ADSS2: variants seen among roughly 807,000 people sequenced by gnomAD.
The protein encoded by ADSS2 is adenylosuccinate synthase 2.
A neutral mutation model predicts 60.0 loss-of-function variants in ADSS2; 30 were observed. The ratio of observed to expected loss-of-function variants is 0.50; its 90% CI spans 0.37 to 0.68. ADSS2 has a LOEUF of 0.68. Ranked by LOEUF, ADSS2 falls within the 30% of genes least tolerant of loss-of-function variation. The probability of loss-of-function intolerance (pLI) is 0.00; values close to 1 mark genes in which losing one functional copy is unlikely to be tolerated. For synonymous variants in ADSS2, 187 were observed against 193.1 expected, an observed-to-expected ratio of 0.97 and a Z score of 0.26; for missense variants, 373 against 554.8, an observed-to-expected ratio of 0.67 and a Z score of 3.29.
chr1:244,425,560 A>C (rs1664784388), intron 4 of ADSS2, among the ~76,000 whole-genome samples: 1 of 152,164 alleles, frequency 6.6e-6, no homozygotes, highest in Non-Finnish European at 1.5e-5. Context: ...ACCCAATCTA[A>C]ACCCATCCTC....
Position 244,451,515 on chromosome 1 carries a change from C to T in ADSS2, c.183+120G>A. On this transcript the variant is annotated intron_variant, in intron 1 of 12. Coordinates refer to ENST00000366535, the MANE Select transcript of ADSS2 (RefSeq NM_001126.5). The surrounding 1 kb of genome is among the most constrained non-coding windows in gnomAD (Gnocchi z 6.6). ...AGCTCAGGACAGGAGGAGAGAGCCTCAAGGTGACACCTCATTTTGGCCAGT... is the reference window on the plus strand; with the variant it reads ...AGCTCAGGACAGGAGGAGAGAGCCTTAAGGTGACACCTCATTTTGGCCAGT... 8.8e-7 allele frequency: 1 copy of T among 1,132,146 alleles called. No individual in the cohort carries two copies. Among genetic ancestry groups the T allele is most frequent in the Non-Finnish European group, 1.2e-6 (1 of 815,230 alleles). 70.1% of individuals were successfully genotyped at this position (1,132,146 alleles called of 1,614,324 possible).
chr1:244,410,307 C>T (rs1052921058), intron 12 of ADSS2, among the ~76,000 whole-genome samples: 2 of 152,102 alleles, frequency 1.3e-5, no homozygotes, highest in African/African-American at 4.8e-5. Flanking sequence ...AGATTTTACA[C>T]GGAGGACACA....
Position 244,451,545 on chromosome 1 carries a change from C to T in ADSS2, c.183+90G>A. The T allele has an allele frequency of 7.1e-7, 1 of 1,399,004 alleles. No homozygotes were observed. The highest frequency in any genetic ancestry group is 1.4e-5 in the South Asian group (1 of 73,392). 86.7% of individuals were successfully genotyped at this position (1,399,004 alleles called of 1,614,324 possible). A position where few individuals can be genotyped will look rare whatever the true frequency, so the allele number is the denominator to read the frequency against. ...TGACACCTCATTTTGGCCAGTGGAT[C>T]CGGGTTCTGGGTCCGAGTTCCCGGG... On this transcript the variant is annotated intron_variant, in intron 1 of 12. Coordinates refer to ENST00000366535, the MANE Select transcript of ADSS2 (RefSeq NM_001126.5). The surrounding 1 kb of genome is among the most constrained non-coding windows in gnomAD (Gnocchi z 6.6).
At chr1:244,420,319 A>G in intron 7 of ADSS2, 23 bp from the exon 8 acceptor site, 1 of 1,585,142 alleles carries the variant, frequency 6.3e-7, no homozygotes, top group Non-Finnish European at 8.6e-7. Context: ...ACAAAAACCA[A>G]TTTCCATGTA....
intron 6 of ADSS2, 119 bp downstream of exon 6, chr1:244,423,834 T>C (rs1436244784): frequency 3.8e-5 from 26 of 690,298 alleles, no homozygotes; most frequent in Non-Finnish European, 5.2e-5. Flanking sequence ...ATTTCAAACC[T>C]AAAAAAGCCA....
chr1:244,411,451 G>A lies in ADSS2; in HGVS notation c.1169-15C>T, dbSNP rs762002536. The A allele has an allele frequency of 4.4e-6, 7 of 1,604,712 alleles. No homozygotes were observed. In the East Asian group the frequency reaches 1.1e-4, roughly 26 times the overall value. ...TTCTTGGTTTGCTAAAAGTTAAAGAGGACATTTATTCATGGCACACACTGT... is the reference window on the plus strand; with the variant it reads ...TTCTTGGTTTGCTAAAAGTTAAAGAAGACATTTATTCATGGCACACACTGT... On this transcript the variant is annotated splice_polypyrimidine_tract_variant and intron_variant, in intron 11 of 12. Coordinates refer to ENST00000366535, the MANE Select transcript of ADSS2 (RefSeq NM_001126.5).
intron 7 of ADSS2, 111 bp downstream of exon 7, chr1:244,422,720 GACAA>G: frequency 1.3e-6 from 1 of 744,004 alleles, no homozygotes; most frequent in South Asian, 1.8e-5. Flanking sequence ...CCATGTCCAA[GACAA>G]ACAATTTCCT....
chr1:244,409,449 A>G lies in ADSS2; in HGVS notation c.*137T>C. ...AATCTCCACAGTAGGCATCCATCTG[A>G]AAAGACTGGAAACAACTGTAGGGCT... On this transcript the variant is annotated 3_prime_UTR_variant, in exon 13 of 13. Transcript: ENST00000366535. The G allele has an allele frequency of 1.6e-6, 1 of 638,838 alleles. No individual in the cohort carries two copies. The highest frequency in any genetic ancestry group is 2.1e-5 in the South Asian group (1 of 48,082). 39.6% of individuals were successfully genotyped at this position (638,838 alleles called of 1,614,324 possible).
chr1:244,423,626 T>C (rs909919315), intron 6 of ADSS2, among the ~76,000 whole-genome samples: 11 of 152,150 alleles, frequency 7.2e-5, no homozygotes, highest in African/African-American at 2.7e-4. Flanking sequence ...GATCAAGACC[T>C]TAGAATGTAA....
chr1:244,416,530 G>A (rs1664537907), intron 10 of ADSS2, among the ~76,000 whole-genome samples: 1 of 152,166 alleles, frequency 6.6e-6, no homozygotes, highest in Non-Finnish European at 1.5e-5. Context: ...AGGTTGCCCA[G>A]GCTGGTCTCG....
intron 11 of ADSS2, 123 bp downstream of exon 11, chr1:244,415,858 C>G: frequency 1.5e-6 from 1 of 672,454 alleles, no homozygotes; most frequent in Non-Finnish European, 2.5e-6. Flanking sequence ...CAAATTTGCA[C>G]TAATCATAAA....
intron 1 of ADSS2, among the ~76,000 whole-genome samples, chr1:244,449,998 T>C (rs560151340): frequency 1.3e-5 from 2 of 152,322 alleles, no homozygotes; most frequent in African/African-American, 2.4e-5. Context: ...ACCATAATGG[T>C]TGTGTTCTCC....
chr1:244,417,761 C>G lies in ADSS2; in HGVS notation c.946-9G>C. On this transcript the variant is annotated splice_polypyrimidine_tract_variant and intron_variant, in intron 9 of 12. Transcript: ENST00000366535. ...AATAATTCTCCAATTTCCTACAGAACAGAAAATTGAACTTTAGGATTAGAA... is the reference window on the plus strand; with the variant it reads ...AATAATTCTCCAATTTCCTACAGAAGAGAAAATTGAACTTTAGGATTAGAA... 6.2e-7 allele frequency: 1 copy of G among 1,612,112 alleles called. No homozygotes were observed.
At chr1:244,444,962 T>C (rs1021601911) in intron 1 of ADSS2, among the ~76,000 whole-genome samples, 2 of 152,056 alleles carry the variant, frequency 1.3e-5, no homozygotes, top group African/African-American at 2.4e-5. Flanking sequence ...TTGCAAATCA[T>C]AGGAATCATC....
chr1:244,427,422 GAACA>G (rs962142565), intron 4 of ADSS2, among the ~76,000 whole-genome samples: 10 of 151,930 alleles, frequency 6.6e-5, no homozygotes, highest in Non-Finnish European at 1.3e-4. Context: ...AGCAGGAAAA[GAACA>G]AATAAAAAGA....
At chr1:244,426,227 T>C (rs1413966151) in intron 4 of ADSS2, among the ~76,000 whole-genome samples, 1 of 152,164 alleles carries the variant, frequency 6.6e-6, no homozygotes, top group African/African-American at 2.4e-5. Flanking sequence ...TCATTTCTTT[T>C]GAATAAAAAG....
chr1:244,442,519 T>C (rs962678901), intron 1 of ADSS2, among the ~76,000 whole-genome samples: 1 of 152,194 alleles, frequency 6.6e-6, no homozygotes, highest in Non-Finnish European at 1.5e-5. Flanking sequence ...TATGGAAACA[T>C]TGTTAAATAT....
chr1:244,419,656 G>C (rs770765554), intron 8 of ADSS2, among the ~76,000 whole-genome samples: 7 of 152,152 alleles, frequency 4.6e-5, no homozygotes, highest in East Asian at 1.9e-4. Flanking sequence ...ATGTTTAAAT[G>C]AAACGGTCAA....
chr1:244,433,791 C>T (rs1276293663), intron 3 of ADSS2, among the ~76,000 whole-genome samples: 7 of 133,530 alleles, frequency 5.2e-5, no homozygotes, highest in East Asian at 2.6e-4. Flanking sequence ...ACCCGGGAGG[C>T]GGAGACTGCA....
Sources: allele counts gnomAD v4.1 joint callset (sites outside exome capture counted in the v4.1 genomes callset), GRCh38; gene constraint gnomAD v4.1.1; non-coding constraint Gnocchi (gnomAD v3.1); transcripts MANE v1.5; gene names NCBI Gene and HGNC (gene_info 2026-07-23, HGNC 2026-07-21).